Variants in ME3 observed in about 807,000 individuals in gnomAD.
ME3 encodes NADP-dependent malic enzyme, mitochondrial.
In ME3, 48 loss-of-function variants were observed where a neutral mutation model predicts 68.9. The ratio of observed to expected loss-of-function variants is 0.70; its 90% CI spans 0.55 to 0.89. ME3 has a LOEUF of 0.89. Among genes scored for constraint, ME3 ranks in the 40% least tolerant of loss-of-function variants. The pLI is 0.00. For missense variants in ME3, 675 were observed against 797.4 expected (o/e 0.85, Z 1.85); for synonymous variants, 320 against 318.8 (o/e 1.00, Z -0.04).
intron 6 of ME3, among the ~76,000 whole-genome samples, chr11:86,495,161 A>C (rs748102): frequency 0.52 from 78,754 of 151,972 alleles, 20,787 homozygotes; most frequent in Non-Finnish European, 0.57. Flanking sequence ...TGCCGCTTCT[A>C]GCAGATCTTC....
At chr11:86,521,985 C>T (rs184617369) in intron 4 of ME3, among the ~76,000 whole-genome samples, 3 of 152,324 alleles carry the variant, frequency 2.0e-5, no homozygotes, top group Admixed American at 6.5e-5. Flanking sequence ...CATGGTGACT[C>T]ATACCTGTAA....
At chr11:86,552,807 G>A (rs1429016021) in intron 4 of ME3, among the ~76,000 whole-genome samples, 2 of 152,160 alleles carry the variant, frequency 1.3e-5, no homozygotes, top group African/African-American at 4.8e-5. Flanking sequence ...ACCCATACGG[G>A]TTGGACCCTA....
chr11:86,512,548 G>A (rs1953614409), intron 4 of ME3, among the ~76,000 whole-genome samples: 1 of 152,232 alleles, frequency 6.6e-6, no homozygotes, highest in Admixed American at 6.5e-5. Context: ...GATGAAAAGT[G>A]TTGAATAAAG....
chr11:86,460,965 G>A (rs1255125899), intron 8 of ME3, among the ~76,000 whole-genome samples: 2 of 152,194 alleles, frequency 1.3e-5, no homozygotes, highest in Admixed American at 6.5e-5. Context: ...GCTTGTGACT[G>A]TGGGCCTCAT....
intron 2 of ME3, among the ~76,000 whole-genome samples, chr11:86,655,943 T>C (rs1351399440): frequency 1.3e-5 from 2 of 151,924 alleles, no homozygotes; most frequent in African/African-American, 2.4e-5. Context: ...GCCAAGGACA[T>C]GAACAGACAC....
chr11:86,524,250 C>T (rs1954557963), intron 4 of ME3, among the ~76,000 whole-genome samples: 1 of 152,184 alleles, frequency 6.6e-6, no homozygotes, highest in African/African-American at 2.4e-5. Context: ...CATTTGATAT[C>T]CAAAGCAAAT....
At chr11:86,515,543 T>G (rs1268545123) in intron 4 of ME3, among the ~76,000 whole-genome samples, 3 of 152,204 alleles carry the variant, frequency 2.0e-5, no homozygotes, top group African/African-American at 7.2e-5. Flanking sequence ...CGGGAATGAC[T>G]GTGAGAATCA....
At chr11:86,602,969 A>C (rs1960959841) in intron 2 of ME3, among the ~76,000 whole-genome samples, 2 of 152,246 alleles carry the variant, frequency 1.3e-5, no homozygotes, top group East Asian at 1.9e-4. Flanking sequence ...TTAAAGACTT[A>C]AACGTTAGAC....
downstream of ME3, among the ~76,000 whole-genome samples, chr11:86,437,456 T>C (rs1361823560): frequency 6.6e-6 from 1 of 152,136 alleles, no homozygotes; most frequent in Admixed American, 6.5e-5. Context: ...TGAGATCCTT[T>C]ACATTACCAT....
intron 4 of ME3, among the ~76,000 whole-genome samples, chr11:86,546,164 T>C (rs910457344): frequency 2.6e-4 from 40 of 152,072 alleles, no homozygotes; most frequent in African/African-American, 9.4e-4. Context: ...AAAAATTTAC[T>C]CAAGATGGAT....
At chr11:86,509,398 T>TCA (rs3045014) in intron 4 of ME3, among the ~76,000 whole-genome samples, 2,870 of 144,640 alleles carry the variant, frequency 0.02, 28 homozygotes, top group Middle Eastern at 0.032. Flanking sequence ...TACTCCATCA[T>TCA]CACACACACA....
intron 4 of ME3, among the ~76,000 whole-genome samples, chr11:86,548,707 T>C (rs766694578): frequency 2.6e-5 from 4 of 152,118 alleles, no homozygotes; most frequent in Admixed American, 6.6e-5. Flanking sequence ...ACCGTGAGGG[T>C]TGGAAGGAGC....
At chr11:86,583,778 A>C (rs1958576452) in intron 2 of ME3, among the ~76,000 whole-genome samples, 1 of 152,342 alleles carries the variant, frequency 6.6e-6, no homozygotes, top group South Asian at 2.1e-4. Flanking sequence ...GTATATCCAC[A>C]TGTAAAATAA....
intron 4 of ME3, among the ~76,000 whole-genome samples, chr11:86,521,079 T>G (rs1047537139): frequency 2.6e-5 from 4 of 152,136 alleles, no homozygotes; most frequent in African/African-American, 7.2e-5. Context: ...CCACCGAATC[T>G]CCATTGCTTA....
At chr11:86,657,851 A>G (rs1565286484) in intron 2 of ME3, among the ~76,000 whole-genome samples, 1 of 152,240 alleles carries the variant, frequency 6.6e-6, no homozygotes, top group African/African-American at 2.4e-5. Context: ...GTTATTCTCA[A>G]TACCTCACAG....
intron 7 of ME3, among the ~76,000 whole-genome samples, chr11:86,486,418 G>A (rs1951689077): frequency 6.6e-6 from 1 of 152,198 alleles, no homozygotes; most frequent in South Asian, 2.1e-4. Context: ...AAAGTGGAGG[G>A]GTCAAAGGTC....
At chr11:86,523,478 A>G (rs1954484915) in intron 4 of ME3, among the ~76,000 whole-genome samples, 1 of 152,212 alleles carries the variant, frequency 6.6e-6, no homozygotes, top group Admixed American at 6.5e-5. Flanking sequence ...AACACAGAGA[A>G]AAACTGAAAT....
intron 2 of ME3, among the ~76,000 whole-genome samples, chr11:86,590,193 G>A (rs902993390): frequency 6.6e-6 from 1 of 152,140 alleles, no homozygotes; most frequent in Non-Finnish European, 1.5e-5. Context: ...CCACAGCAGC[G>A]TGGCCATGCA....
At chr11:86,528,918 T>C (rs1326280525) in intron 4 of ME3, among the ~76,000 whole-genome samples, 1 of 152,034 alleles carries the variant, frequency 6.6e-6, no homozygotes, top group Non-Finnish European at 1.5e-5. Flanking sequence ...AGATCTAAGA[T>C]TGATACCCTA....
Sources: allele counts gnomAD v4.1 joint callset (sites outside exome capture counted in the v4.1 genomes callset), GRCh38; gene constraint gnomAD v4.1.1; transcripts MANE v1.5; gene names NCBI Gene and HGNC (gene_info 2026-07-23, HGNC 2026-07-21).